The following KIF13A variants were observed in gnomAD, a reference collection of about 807,000 sequenced individuals.
KIF13A encodes kinesin family member 13A.
A neutral mutation model predicts 212.2 loss-of-function variants in KIF13A; 79 were observed. The observed-to-expected ratio is 0.37, with a 90% CI of 0.31 to 0.45. The LOEUF (loss-of-function observed/expected upper bound fraction) is 0.45. KIF13A is among the 20% of genes least tolerant of loss of function. KIF13A has a pLI of 1.00. For synonymous variants in KIF13A, 789 were observed against 808.6 expected (o/e 0.98, Z 0.41); for missense variants, 1,901 against 2,209.0 (o/e 0.86, Z 2.79).
At chr6:17,976,142 C>A (rs1462882659) in intron 2 of KIF13A, among the ~76,000 whole-genome samples, 2 of 152,250 alleles carry the variant, frequency 1.3e-5, no homozygotes, top group East Asian at 3.9e-4. Context: ...CCAGTGGATC[C>A]CGCACCGGGG....
chr6:17,951,602 G>A lies in KIF13A; in HGVS notation c.146+35452C>T, dbSNP rs952071374. Among the ~76,000 whole-genome samples the A allele has an allele frequency of 2.0e-5, 3 of 150,700 alleles. No individual in the cohort carries two copies. Among genetic ancestry groups the A allele is most frequent in the South Asian group, 2.1e-4 (1 of 4,790 alleles). On this transcript the variant is annotated intron_variant, in intron 2 of 38. Coordinates refer to ENST00000259711, the MANE Select transcript of KIF13A (RefSeq NM_022113.6). This position sits in a 1 kb window ranked among gnomAD's most constrained non-coding sequence, Gnocchi z 4.9. ...CCCCTCAAAAAATGCCATATCCATCGGCAGTCACTCTCCATTTCCCCCAAT... is the reference window on the plus strand; with the variant it reads ...CCCCTCAAAAAATGCCATATCCATCAGCAGTCACTCTCCATTTCCCCCAAT...
At chr6:17,780,936 A>G in intron 30 of KIF13A, 30 bp from the exon 31 acceptor site, 1 of 1,595,182 alleles carries the variant, frequency 6.3e-7, no homozygotes. Flanking sequence ...GAGGAGATGG[A>G]AACAAGACAA....
chr6:17,797,280 C>T (rs550759576), intron 22 of KIF13A, among the ~76,000 whole-genome samples: 50 of 152,136 alleles, frequency 3.3e-4, no homozygotes, highest in South Asian at 6.2e-4. Context: ...CCACCTGCCT[C>T]GGCCTCCCAC....
At chr6:17,792,323 G>A (rs1406380482) in intron 25 of KIF13A, among the ~76,000 whole-genome samples, 4 of 151,836 alleles carry the variant, frequency 2.6e-5, no homozygotes, top group African/African-American at 9.7e-5. Context: ...CACAGCCGAT[G>A]TTTTTATTGA....
intron 2 of KIF13A, among the ~76,000 whole-genome samples, chr6:17,923,017 A>T (rs1302470908): frequency 2.0e-5 from 3 of 151,796 alleles, no homozygotes; most frequent in Non-Finnish European, 4.4e-5. Context: ...CACGCCTCTA[A>T]TCACAGCACT....
intron 2 of KIF13A, among the ~76,000 whole-genome samples, chr6:17,973,774 A>G (rs767624825): frequency 9.2e-5 from 14 of 152,226 alleles, no homozygotes; most frequent in Non-Finnish European, 1.8e-4. Flanking sequence ...TCACTGTGCC[A>G]TGCTGCTGCT....
chr6:17,889,690 G>C (rs1453144286), intron 3 of KIF13A, among the ~76,000 whole-genome samples: 1 of 152,002 alleles, frequency 6.6e-6, no homozygotes, highest in Non-Finnish European at 1.5e-5. Flanking sequence ...CTGGTTCCAG[G>C]AGCCCCTGAG....
chr6:17,817,098 G>A lies in KIF13A; in HGVS notation c.1922C>T (p.Pro641Leu), dbSNP rs767209431. ...CAGGCGGTCAGGGCCGCTACTCTGT[G>A]GCTGCCTGTCGGGGGAGAGCTGCTG... ...LRQQLSPDRQ[P>L]QSSGPDRLAY... is the part of the protein sequence containing the mutation. Residue 641 changes from proline (P) to leucine (L), a missense_variant, in exon 17 of 39, where the codon CCA becomes CTA. By Grantham distance (98) the Pro-to-Leu change is moderately conservative (BLOSUM62 -3). Coordinates refer to ENST00000259711, the MANE Select transcript of KIF13A (RefSeq NM_022113.6). 6.2e-7 allele frequency: 1 copy of A among 1,613,958 alleles called. No homozygotes were observed. Among genetic ancestry groups the A allele is most frequent in the South Asian group, 1.1e-5 (1 of 91,092 alleles).
intron 2 of KIF13A, chr6:17,950,504 CAGAT>C: frequency 3.0e-6 from 3 of 985,300 alleles, no homozygotes; most frequent in Non-Finnish European, 3.6e-6. Flanking sequence ...TTAGGACCAA[CAGAT>C]AGAAGAACAT....
chr6:17,855,441 T>C lies in KIF13A; in HGVS notation c.490A>G (p.Lys164Glu). 1.9e-6 allele frequency: 3 copies of C among 1,608,128 alleles called. No homozygotes were observed. The highest frequency in any genetic ancestry group is 2.5e-6 in the Non-Finnish European group (3 of 1,176,892). ...NEKVRDLLDP[K>E]GSRQSLKVRE... The stretch of plus-strand genomic sequence containing the variant: ...TAATCTTGACCACTAACTTACCCTT[T>C]GGGGTCTAAAAGATCCCGAACTTTC... The change falls in exon 6 of 39, where the codon AAA becomes GAA. Residue 164 changes from lysine to glutamate, a missense_variant. Around this residue, in one of 5 missense-constraint regions of KIF13A, gnomAD observed 506 missense variants for 637.4 expected, o/e 0.79. Transcript: ENST00000259711. The surrounding 1 kb of genome is among the most constrained non-coding windows in gnomAD (Gnocchi z 4.1).
chr6:17,869,657 G>A lies in KIF13A; in HGVS notation c.220+3720C>T, dbSNP rs1044167720. On this transcript the variant is annotated intron_variant, in intron 4 of 38. Coordinates refer to ENST00000259711, the MANE Select transcript of KIF13A (RefSeq NM_022113.6). ...CATTATACCCCCACTAGAGAATTAC[G>A]TGTTTCTAAATCAGAAAGTGGGAGC... 3.5e-4 allele frequency among the ~76,000 whole-genome samples: 53 copies of A among 152,256 alleles called. 1 individual carries two copies. Among genetic ancestry groups the A allele is most frequent in the Admixed American group, 2.9e-3 (44 of 15,284 alleles).
At chr6:17,943,179 T>C (rs993378205) in intron 2 of KIF13A, among the ~76,000 whole-genome samples, 8 of 152,184 alleles carry the variant, frequency 5.3e-5, no homozygotes, top group African/African-American at 1.4e-4. Context: ...CTGGTTGTTT[T>C]TCTATGTAAA....
At position 17,984,772 on chromosome 6, in the gene KIF13A, A is replaced by C. The variant is rs563625190; in HGVS notation, c.146+2282T>G. 7.9e-5 allele frequency among the ~76,000 whole-genome samples: 12 copies of C among 152,344 alleles called. No homozygotes were observed. In the South Asian group the frequency reaches 2.5e-3, roughly 32 times the overall value. ...GCCAATATGCATTTAAAGACCTCTT[A>C]CACTTCAAACCTTGGACTTGCAGAT... On this transcript the variant is annotated intron_variant, in intron 2 of 38. Coordinates refer to ENST00000259711, the MANE Select transcript of KIF13A (RefSeq NM_022113.6). The surrounding 1 kb of genome is among the most constrained non-coding windows in gnomAD (Gnocchi z 5.0).
Position 17,934,225 on chromosome 6 carries a change from A to G in KIF13A, c.147-36045T>C, listed in dbSNP as rs1314920627. ...CACTACTGTCTAATGGCCACAGGACATTGGCCTTCTTCAAATTCTTAAGTG... is the reference window on the plus strand; with the variant it reads ...CACTACTGTCTAATGGCCACAGGACGTTGGCCTTCTTCAAATTCTTAAGTG... On this transcript the variant is annotated intron_variant, in intron 2 of 38. Coordinates refer to ENST00000259711, the MANE Select transcript of KIF13A (RefSeq NM_022113.6). This position sits in a 1 kb window ranked among gnomAD's most constrained non-coding sequence, Gnocchi z 5.4. Among the ~76,000 whole-genome samples, 2 of 152,174 alleles carry G rather than the reference A, an allele frequency of 1.3e-5. No individual in the cohort carries two copies. The highest frequency in any genetic ancestry group is 2.9e-5 in the Non-Finnish European group (2 of 68,024).
intron 2 of KIF13A, among the ~76,000 whole-genome samples, chr6:17,909,031 G>A (rs923494938): frequency 1.2e-4 from 19 of 152,342 alleles, no homozygotes; most frequent in African/African-American, 4.6e-4. Context: ...AGGATGGCAT[G>A]AGGTGGCGTG....
At position 17,866,828 on chromosome 6, in the gene KIF13A, C is replaced by CATATATATAT. The variant is rs60217235; in HGVS notation, c.220+6539_220+6548dup. ...TAAAGGGGAGAACAAAAAAGCAGCG[C>CATATATATAT]ATATATATATATATATATATATATA... On this transcript the variant is annotated intron_variant, in intron 4 of 38. Transcript: ENST00000259711. 1.2e-3 allele frequency among the ~76,000 whole-genome samples: 27 copies of CATATATATAT among 22,918 alleles called. 3 individuals are homozygous for CATATATATAT. The highest frequency in any genetic ancestry group is 2.6e-3 in the East Asian group (2 of 764). The allele number at this position is 22,918 out of a possible 152,430, so 15.0% of individuals were successfully genotyped here.
At position 17,809,650 on chromosome 6, in the gene KIF13A, T is replaced by C. The variant is rs1244820164; in HGVS notation, c.2001-720A>G. Among the ~76,000 whole-genome samples the C allele has an allele frequency of 6.6e-6, 1 of 152,148 alleles. No homozygotes were observed. The highest frequency in any genetic ancestry group is 1.5e-5 in the Non-Finnish European group (1 of 68,016). On this transcript the variant is annotated intron_variant, in intron 17 of 38. Transcript: ENST00000259711. The surrounding 1 kb of genome is among the most constrained non-coding windows in gnomAD (Gnocchi z 4.7). ...TGCACTACCCTAGCTCCTGGCCAAGTGCATGACCCATCGTAGGATATTCAA... is the reference window on the plus strand; with the variant it reads ...TGCACTACCCTAGCTCCTGGCCAAGCGCATGACCCATCGTAGGATATTCAA...
At chr6:17,833,042 A>G (rs937646459) in intron 12 of KIF13A, among the ~76,000 whole-genome samples, 4 of 140,786 alleles carry the variant, frequency 2.8e-5, no homozygotes, top group Non-Finnish European at 6.2e-5. Flanking sequence ...AAAAAAAAAA[A>G]ATCACAAGGC....
At chr6:17,763,475 CAAAAAAA>C (rs67357010), downstream of KIF13A, among the ~76,000 whole-genome samples, 1 of 75,768 alleles carries the variant, frequency 1.3e-5, no homozygotes, top group African/African-American at 5.7e-5. Flanking sequence ...CACTCCATCT[CAAAAAAA>C]AAAAAAAAAA....
Sources: allele counts gnomAD v4.1 joint callset (sites outside exome capture counted in the v4.1 genomes callset), GRCh38; gene constraint gnomAD v4.1.1; regional missense constraint gnomAD v4.1.1; non-coding constraint Gnocchi (gnomAD v3.1); transcripts MANE v1.5; gene names NCBI Gene and HGNC (gene_info 2026-07-23, HGNC 2026-07-21).